Variants in WDR70 observed in about 807,000 individuals in gnomAD.
The protein encoded by WDR70 is WD repeat-containing protein 70.
Under a neutral mutation model 88.6 loss-of-function variants are expected in WDR70, and 53 were observed. The ratio of observed to expected loss-of-function variants is 0.60; its 90% confidence interval spans 0.48 to 0.75. WDR70 has a LOEUF of 0.75. WDR70 is among the 30% of genes least tolerant of loss of function. WDR70 has a pLI of 0.00. For missense variants in WDR70, 610 were observed against 823.2 expected (o/e 0.74, Z 3.17); for synonymous variants, 280 against 270.0 (o/e 1.04, Z -0.36).
intron 14 of WDR70, chr5:37,722,386 C>A: frequency 6.0e-6 from 1 of 166,994 alleles, no homozygotes; most frequent in Non-Finnish European, 1.3e-5. Flanking sequence ...GGGCCATAGC[C>A]CCTCGGCAAC....
At chr5:37,567,379 A>G (rs181334757) in intron 9 of WDR70, among the ~76,000 whole-genome samples, 59 of 152,358 alleles carry the variant, frequency 3.9e-4, no homozygotes, top group Middle Eastern at 3.4e-3. Flanking sequence ...CAGAATTTTA[A>G]GAATAAATCT....
At chr5:37,472,909 AC>A (rs2112137355) in intron 7 of WDR70, among the ~76,000 whole-genome samples, 1 of 152,134 alleles carries the variant, frequency 6.6e-6, no homozygotes, top group Admixed American at 6.5e-5. Flanking sequence ...TAAGAATAGA[AC>A]TGCTGAGTCG....
chr5:37,604,605 C>T (rs1035926747), intron 9 of WDR70, among the ~76,000 whole-genome samples: 25 of 152,158 alleles, frequency 1.6e-4, no homozygotes, highest in Non-Finnish European at 1.5e-5. Context: ...TTTGCTTGGG[C>T]TCTAGAGTGG....
intron 10 of WDR70, among the ~76,000 whole-genome samples, chr5:37,692,400 C>T (rs1042202852): frequency 6.6e-6 from 1 of 152,092 alleles, no homozygotes; most frequent in Non-Finnish European, 1.5e-5. Flanking sequence ...CAAAGGCTGG[C>T]AGAGACACAA....
At chr5:37,379,975 G>T (rs4869499) in intron 2 of WDR70, among the ~76,000 whole-genome samples, 31 of 152,128 alleles carry the variant, frequency 2.0e-4, no homozygotes, top group African/African-American at 7.5e-4. Context: ...GCTTATTGCC[G>T]TAATACCCAT....
intron 10 of WDR70, among the ~76,000 whole-genome samples, chr5:37,682,941 A>G (rs995656820): frequency 3.3e-5 from 5 of 151,612 alleles, no homozygotes; most frequent in African/African-American, 7.3e-5. Context: ...TGAGTTGTTG[A>G]AGTCTTCCAT....
At chr5:37,648,477 T>TA (rs1214421097) in intron 10 of WDR70, among the ~76,000 whole-genome samples, 1 of 152,054 alleles carries the variant, frequency 6.6e-6, no homozygotes, top group Non-Finnish European at 1.5e-5. Context: ...AACTACTTAA[T>TA]AACTTTTAAA....
chr5:37,405,538 C>G (rs963882000), intron 5 of WDR70, among the ~76,000 whole-genome samples: 5 of 151,764 alleles, frequency 3.3e-5, no homozygotes, highest in Admixed American at 2.0e-4. Flanking sequence ...TTTTATGTTT[C>G]CAGTTTCCAC....
At chr5:37,528,047 C>T (rs1741355863) in intron 9 of WDR70, among the ~76,000 whole-genome samples, 2 of 152,134 alleles carry the variant, frequency 1.3e-5, no homozygotes, top group African/African-American at 4.8e-5. Context: ...TAAACTAGGT[C>T]AACCATTTTG....
rs1252567580 is a variant in WDR70, at chr5:37,726,882, G to C, written c.1715-1G>C. 1 of 1,579,448 alleles carries C rather than the reference G, an allele frequency of 6.3e-7. No homozygotes were observed. The highest frequency in any genetic ancestry group is 8.6e-7 in the Non-Finnish European group (1 of 1,167,644). ...ATTTGGTTTTTTTTCTTTTGCAATA[G>C]GTCGTGGTGGCCGAGTTGGAACCCA... On this transcript the variant is annotated splice_acceptor_variant, in intron 16 of 17. Transcript: ENST00000265107. LOFTEE classifies it high-confidence loss of function.
At chr5:37,701,250 G>C (rs1747153581) in intron 12 of WDR70, 108 bp downstream of exon 12, 1 of 700,814 alleles carries the variant, frequency 1.4e-6, no homozygotes, top group Non-Finnish European at 2.3e-6. Context: ...CTGGAAAAGA[G>C]ACTTGAGAGA....
intron 10 of WDR70, among the ~76,000 whole-genome samples, chr5:37,615,907 C>T (rs923608289): frequency 2.0e-5 from 3 of 152,214 alleles, no homozygotes; most frequent in African/African-American, 7.2e-5. Context: ...ATACCCTCAT[C>T]ACCTTTAACT....
chr5:37,562,654 C>T (rs567187413), intron 9 of WDR70, among the ~76,000 whole-genome samples: 2 of 152,092 alleles, frequency 1.3e-5, no homozygotes, highest in African/African-American at 2.4e-5. Context: ...TGACTCTTAA[C>T]GAGCATGCTG....
chr5:37,671,204 G>A (rs1435835674), intron 10 of WDR70, among the ~76,000 whole-genome samples: 1 of 152,196 alleles, frequency 6.6e-6, no homozygotes. Flanking sequence ...ATAGGTATGA[G>A]AGGACAGTCA....
intron 8 of WDR70, among the ~76,000 whole-genome samples, chr5:37,515,063 C>G (rs890853214): frequency 6.6e-6 from 1 of 151,046 alleles, no homozygotes; most frequent in African/African-American, 2.4e-5. Flanking sequence ...AATAACAAAC[C>G]TGTTACAGTA....
chr5:37,723,080 A>C, intron 15 of WDR70, 146 bp downstream of exon 15: 1 of 840,094 alleles, frequency 1.2e-6, no homozygotes, highest in South Asian at 1.6e-5. Flanking sequence ...ACTACGAGTC[A>C]TGTAACAGCT....
chr5:37,743,104 A>G (rs1748532592), intron 17 of WDR70, among the ~76,000 whole-genome samples: 1 of 152,232 alleles, frequency 6.6e-6, no homozygotes, highest in African/African-American at 2.4e-5. Context: ...CAGCCAAGGC[A>G]TCCAGGTTCT....
chr5:37,432,491 C>T lies in WDR70; in HGVS notation c.493-5431C>T, dbSNP rs1231462132. 3.3e-5 allele frequency among the ~76,000 whole-genome samples: 5 copies of T among 152,022 alleles called. 1 individual carries two copies. The highest frequency in any genetic ancestry group is 3.2e-3 in the Middle Eastern group (1 of 316). The stretch of plus-strand genomic sequence containing the variant: ...GCAACCTCCGCCTCCTGAGTTCAAG[C>T]GATTCTCCTGCCTCAGCCTCCTGAG... On this transcript the variant is annotated intron_variant, in intron 5 of 17. Coordinates refer to ENST00000265107, the MANE Select transcript of WDR70 (RefSeq NM_018034.4).
chr5:37,466,762 G>A (rs1213643621), intron 7 of WDR70, among the ~76,000 whole-genome samples: 7 of 147,314 alleles, frequency 4.8e-5, no homozygotes, highest in South Asian at 2.2e-4. Flanking sequence ...TGCACTAGCC[G>A]TATTTCAAAT....
Sources: gnomAD v4.1 joint callset for allele counts (sites outside exome capture counted in the v4.1 genomes callset) on GRCh38, gnomAD v4.1.1 for gene constraint, MANE v1.5 for transcripts, NCBI Gene and HGNC (gene_info 2026-07-23, HGNC 2026-07-21) for gene names.